PLEKHM1: variants seen among roughly 807,000 people sequenced by gnomAD.
PLEKHM1 encodes the protein pleckstrin homology domain-containing family M member 1.
PLEKHM1 carries 28 observed loss-of-function variants against 94.3 expected under a neutral mutation model. The observed-to-expected ratio is 0.30, with a 90% CI of 0.22 to 0.41. The LOEUF (loss-of-function observed/expected upper bound fraction) is 0.41. Ranked by LOEUF, PLEKHM1 falls within the 10% of genes least tolerant of loss-of-function variation. The pLI is 1.00. For synonymous variants in PLEKHM1, 424 were observed against 581.2 expected (o/e 0.73, Z 3.89); for missense variants, 907 against 1,358.6 (o/e 0.67, Z 5.22).
intron 5 of PLEKHM1, among the ~76,000 whole-genome samples, chr17:45,465,668 C>A (rs995275434): frequency 5.9e-5 from 9 of 152,114 alleles, no homozygotes; most frequent in African/African-American, 1.9e-4. Flanking sequence ...TGAGATTGCA[C>A]CACTGTACTT....
At chr17:45,457,909 G>C (rs1016811632) in intron 6 of PLEKHM1, among the ~76,000 whole-genome samples, 1 of 152,090 alleles carries the variant, frequency 6.6e-6, no homozygotes, top group African/African-American at 2.4e-5. Flanking sequence ...AAATTGCATA[G>C]TTTTCAGGGA....
chr17:45,478,262 A>T (rs2051824274), intron 2 of PLEKHM1, 115 bp from the exon 3 acceptor site: 17 of 1,191,902 alleles, frequency 1.4e-5, no homozygotes, highest in Admixed American at 6.8e-5. Flanking sequence ...ACACACATCT[A>T]TGTGTGTGTC....
In PLEKHM1 at chr17:45,465,631, A is replaced by C. The variant is rs531884120; in HGVS notation, c.1308+2578T>G. Among the ~76,000 whole-genome samples, 3 of 152,264 alleles carry C rather than the reference A, an allele frequency of 2.0e-5. No homozygotes were observed. In the South Asian group the frequency reaches 6.2e-4, roughly 32 times the overall value. On this transcript the variant is annotated intron_variant, in intron 5 of 11. Transcript: ENST00000430334. ...AGGCTGAGGCATGAGAATCAGTTGA[A>C]CTTAGGAGGCGGAGGTTTCAGTGAG...
chr17:45,458,616 G>A (rs1420517083), intron 5 of PLEKHM1, among the ~76,000 whole-genome samples, 177 bp from the exon 6 acceptor site: 4 of 151,880 alleles, frequency 2.6e-5, no homozygotes, highest in African/African-American at 7.3e-5. Flanking sequence ...GATTACAGGC[G>A]CCCACCACCA....
chr17:45,435,856 T>C (rs1567752662), downstream of PLEKHM1: 2 of 421,730 alleles, frequency 4.7e-6, no homozygotes, highest in Non-Finnish European at 9.6e-6. Flanking sequence ...GCTGGTGGTC[T>C]CCCCCCTGGC....
intron 6 of PLEKHM1, among the ~76,000 whole-genome samples, chr17:45,457,389 C>G (rs2050993683): frequency 6.6e-6 from 1 of 151,892 alleles, no homozygotes; most frequent in South Asian, 2.1e-4. Flanking sequence ...TTTCGAGAAA[C>G]CCCGTCTCTA....
In PLEKHM1 at chr17:45,453,066, G is replaced by C; in HGVS notation, c.2497+289C>G. 1.7e-6 allele frequency: 1 copy of C among 584,400 alleles called. No individual in the cohort carries two copies. The highest frequency in any genetic ancestry group is 3.1e-6 in the Non-Finnish European group (1 of 326,628). 36.2% of individuals were successfully genotyped at this position (584,400 alleles called of 1,614,324 possible). On this transcript the variant is annotated intron_variant, in intron 7 of 11. Coordinates refer to ENST00000430334, the MANE Select transcript of PLEKHM1 (RefSeq NM_014798.3). The surrounding 1 kb of genome is among the most constrained non-coding windows in gnomAD (Gnocchi z 4.1). Reference sequence around the variant, plus strand: ...GTAGAGCAAGAAGAAAATGAAGCAGGCTGGGACTCCCTGAGCAGCGCAGTG... The same window carrying C: ...GTAGAGCAAGAAGAAAATGAAGCAGCCTGGGACTCCCTGAGCAGCGCAGTG...
Position 45,436,373 on chromosome 17 carries a change from C to T in PLEKHM1, c.*1485G>A. The T allele has an allele frequency of 2.2e-6, 1 of 454,158 alleles. No individual in the cohort carries two copies. The highest frequency in any genetic ancestry group is 4.4e-6 in the Non-Finnish European group (1 of 226,786). 28.1% of individuals were successfully genotyped at this position (454,158 alleles called of 1,614,324 possible). ...GGGAGAAGCTGTGCGCAGCCTCCACCTGCCTGCCACCGTTGCCTCTGTTCT... is the reference window on the plus strand; with the variant it reads ...GGGAGAAGCTGTGCGCAGCCTCCACTTGCCTGCCACCGTTGCCTCTGTTCT... On this transcript the variant is annotated 3_prime_UTR_variant, in exon 12 of 12. Coordinates refer to ENST00000430334, the MANE Select transcript of PLEKHM1 (RefSeq NM_014798.3).
At chr17:45,480,482 TCAAAAAAACAAAAAAA>T (rs374190897) in intron 2 of PLEKHM1, among the ~76,000 whole-genome samples, 36 of 150,946 alleles carry the variant, frequency 2.4e-4, no homozygotes, top group African/African-American at 5.8e-4. Flanking sequence ...AGACTCCGTC[TCAAAAAAACAAAAAAA>T]CAAAAAAACA....
intron 6 of PLEKHM1, chr17:45,454,666 C>T: frequency 2.5e-6 from 1 of 405,152 alleles, no homozygotes; most frequent in South Asian, 2.5e-5. Flanking sequence ...GAGCAGTCCT[C>T]TCCTCTGTCA....
intron 4 of PLEKHM1, among the ~76,000 whole-genome samples, chr17:45,473,610 G>A (rs1329242288): frequency 6.6e-6 from 1 of 151,464 alleles, no homozygotes; most frequent in Non-Finnish European, 1.5e-5. Context: ...CCAGGCTGGA[G>A]TGCAGTGGCA....
At chr17:45,486,227 AGATAAAAT>A (rs1567810500) in intron 1 of PLEKHM1, among the ~76,000 whole-genome samples, 19 of 142,102 alleles carry the variant, frequency 1.3e-4, no homozygotes, top group African/African-American at 4.4e-4. Context: ...AAAAAAAAAA[AGATAAAAT>A]AAAAAAATAA....
At chr17:45,460,589 G>A (rs1049734812) in intron 5 of PLEKHM1, among the ~76,000 whole-genome samples, 6 of 152,024 alleles carry the variant, frequency 3.9e-5, no homozygotes, top group Non-Finnish European at 7.4e-5. Context: ...GCAGGGTCTC[G>A]CTCTTTGCCC....
At chr17:45,482,366 G>T in intron 2 of PLEKHM1, 71 bp downstream of exon 2, 1 of 393,668 alleles carries the variant, frequency 2.5e-6, no homozygotes, top group Non-Finnish European at 4.7e-6. Context: ...GCCCAAGGAA[G>T]TGAGCCAAGC....
chr17:45,484,364 C>T (rs1467342953), intron 1 of PLEKHM1, among the ~76,000 whole-genome samples: 3 of 152,300 alleles, frequency 2.0e-5, no homozygotes, highest in East Asian at 1.9e-4. Flanking sequence ...GCTTCATCTA[C>T]GTTACATGAA....
In PLEKHM1 at chr17:45,475,596, C is replaced by A. The variant is rs1386394545; in HGVS notation, c.427G>T (p.Ala143Ser). 2 of 1,613,990 alleles carry A rather than the reference C, an allele frequency of 1.2e-6. No individual in the cohort carries two copies. The highest frequency in any genetic ancestry group is 1.1e-5 in the South Asian group (1 of 91,072). ...CYLKLLLQEQ[A>S]RLHEYYQPTA... ...GGCTGGTAGTACTCATGCAAGCGGGCCTGCTCCTGCAGCAGCAGCTTCAGG... is the reference window on the plus strand; with the variant it reads ...GGCTGGTAGTACTCATGCAAGCGGGACTGCTCCTGCAGCAGCAGCTTCAGG... Residue 143 changes from alanine to serine, a missense_variant, in exon 4 of 12, where the codon GCC becomes TCC. By Grantham distance (99) the Ala-to-Ser change is moderately conservative. This residue lies in a region of PLEKHM1 where 176 missense variants were observed against 306.0 expected (regional missense o/e 0.58). Transcript: ENST00000430334.
At chr17:45,467,614 A>T (rs1189939487) in intron 5 of PLEKHM1, among the ~76,000 whole-genome samples, 1 of 152,160 alleles carries the variant, frequency 6.6e-6, no homozygotes, top group Non-Finnish European at 1.5e-5. Flanking sequence ...CACAAAACTT[A>T]GCCAGACATG....
At chr17:45,485,943 G>A (rs978057175) in intron 1 of PLEKHM1, among the ~76,000 whole-genome samples, 14 of 150,566 alleles carry the variant, frequency 9.3e-5, no homozygotes, top group Non-Finnish European at 1.9e-4. Context: ...ATGGCATGGC[G>A]CCGTGGCTCA....
At chr17:45,438,805 C>T (rs1312532005) in intron 11 of PLEKHM1, among the ~76,000 whole-genome samples, 2 of 152,094 alleles carry the variant, frequency 1.3e-5, no homozygotes, top group Non-Finnish European at 2.9e-5. Context: ...GATCCACCTG[C>T]CTTGGCCTCC....
Sources: gnomAD v4.1 joint callset for allele counts (sites outside exome capture counted in the v4.1 genomes callset) on GRCh38, gnomAD v4.1.1 for gene constraint, gnomAD v4.1.1 regional missense constraint, Gnocchi (gnomAD v3.1) non-coding constraint, MANE v1.5 for transcripts, NCBI Gene and HGNC (gene_info 2026-07-23, HGNC 2026-07-21) for gene names.